TENM2: variants seen among roughly 807,000 people sequenced by gnomAD.
TENM2 encodes the protein teneurin transmembrane protein 2, also known as teneurin-2.
A neutral mutation model predicts 245.2 loss-of-function variants in TENM2; 52 were observed. That is an observed-to-expected ratio of 0.21 (90% CI 0.17 to 0.27). The LOEUF (loss-of-function observed/expected upper bound fraction) is 0.27, where lower values mean the gene tolerates loss of function less well. Among genes scored for constraint, TENM2 ranks in the 10% least tolerant of loss-of-function variants. The probability of loss-of-function intolerance (pLI) is 1.00; values close to 1 mark genes in which losing one functional copy is unlikely to be tolerated. For missense variants in TENM2, 3,046 were observed against 3,666.8 expected, an observed-to-expected ratio of 0.83 and a Z score of 4.37; for synonymous variants, 1,363 against 1,438.9, an observed-to-expected ratio of 0.95 and a Z score of 1.19.
chr5:167,131,374 C>T, the TENM2 span, among the ~76,000 whole-genome samples: 1 of 152,086 alleles, frequency 6.6e-6, no homozygotes, highest in East Asian at 1.9e-4. Context: ...ACTGTAGGAC[C>T]TGGTGAGGAA....
At chr5:167,602,398 C>G (rs1776700695) in intron 2 of TENM2, among the ~76,000 whole-genome samples, 1 of 152,156 alleles carries the variant, frequency 6.6e-6, no homozygotes, top group Non-Finnish European at 1.5e-5. Flanking sequence ...CCTCTCCACT[C>G]AGGGTTCACG....
At chr5:167,349,483 A>G in intron 1 of TENM2, among the ~76,000 whole-genome samples, 1 of 152,172 alleles carries the variant, frequency 6.6e-6, no homozygotes, top group Non-Finnish European at 1.5e-5. Context: ...CTAATTGTGG[A>G]TCCTACTAGA....
intron 4 of TENM2, among the ~76,000 whole-genome samples, chr5:167,960,705 C>A (rs191411077): frequency 6.6e-6 from 1 of 152,132 alleles, no homozygotes; most frequent in Non-Finnish European, 1.5e-5. Flanking sequence ...GGGGAGTGAA[C>A]GGTTCTGTCT....
At chr5:168,088,006 A>C (rs760227857) in intron 7 of TENM2, among the ~76,000 whole-genome samples, 41 of 152,118 alleles carry the variant, frequency 2.7e-4, no homozygotes, top group Non-Finnish European at 5.1e-4. Flanking sequence ...TCCCCTGAAA[A>C]ATGCCTCTTC....
At chr5:167,084,327 TTA>T in the TENM2 span, among the ~76,000 whole-genome samples, 448 of 23,152 alleles carry the variant, frequency 0.019, 9 homozygotes, top group South Asian at 0.025. Context: ...GCCATTTTAG[TTA>T]TATATATATA....
chr5:167,994,113 T>A (rs1400898883), intron 5 of TENM2, among the ~76,000 whole-genome samples: 1 of 151,678 alleles, frequency 6.6e-6, no homozygotes, highest in East Asian at 1.9e-4. Context: ...GAAGAGGCCA[T>A]GGTGATGTTT....
At chr5:168,252,530 G>A (rs948317344) in intron 27 of TENM2, among the ~76,000 whole-genome samples, 1 of 151,452 alleles carries the variant, frequency 6.6e-6, no homozygotes, top group Non-Finnish European at 1.5e-5. Context: ...TCTCATATTA[G>A]AACCTGAGTC....
At chr5:167,203,942 G>A in the TENM2 span, among the ~76,000 whole-genome samples, 2 of 152,104 alleles carry the variant, frequency 1.3e-5, no homozygotes, top group South Asian at 2.1e-4. Context: ...ATAGAAACAA[G>A]AGGAGAGAGA....
chr5:167,139,529 C>A, the TENM2 span, among the ~76,000 whole-genome samples: 1 of 152,176 alleles, frequency 6.6e-6, no homozygotes, highest in Non-Finnish European at 1.5e-5. Flanking sequence ...GGACATAAGA[C>A]CTTCCTTGTT....
intron 2 of TENM2, among the ~76,000 whole-genome samples, chr5:167,761,853 T>A (rs2150712773): frequency 1.3e-5 from 2 of 152,300 alleles, no homozygotes; most frequent in East Asian, 3.9e-4. Flanking sequence ...TTATCATGTA[T>A]CTGCTGAGCC....
At chr5:167,255,377 G>A in the TENM2 span, among the ~76,000 whole-genome samples, 128 of 152,114 alleles carry the variant, frequency 8.4e-4, no homozygotes, top group African/African-American at 3.0e-3. Flanking sequence ...TGCACCTATT[G>A]TGAAGGTCCT....
chr5:168,071,523 G>A (rs1460382123), intron 7 of TENM2, among the ~76,000 whole-genome samples: 1 of 152,032 alleles, frequency 6.6e-6, no homozygotes, highest in Non-Finnish European at 1.5e-5. Context: ...TTTACCCTGA[G>A]TCTTTGCTTA....
At chr5:167,550,061 A>C (rs1201360063) in intron 2 of TENM2, among the ~76,000 whole-genome samples, 2 of 152,210 alleles carry the variant, frequency 1.3e-5, no homozygotes, top group Non-Finnish European at 2.9e-5. Context: ...ACATCTGTTA[A>C]ATTAACATCT....
intron 13 of TENM2, among the ~76,000 whole-genome samples, chr5:168,166,933 C>T (rs1385396205): frequency 6.6e-6 from 1 of 152,076 alleles, no homozygotes; most frequent in Non-Finnish European, 1.5e-5. Context: ...CAGACACCCC[C>T]AGTCATGTGA....
chr5:167,205,107 G>A, the TENM2 span, among the ~76,000 whole-genome samples: 3 of 152,146 alleles, frequency 2.0e-5, no homozygotes, highest in Non-Finnish European at 2.9e-5. Flanking sequence ...TTGGCCTGTC[G>A]CCTTGGCTCA....
chr5:167,400,222 T>C (rs1259006324), intron 2 of TENM2, among the ~76,000 whole-genome samples: 2 of 151,138 alleles, frequency 1.3e-5, no homozygotes, highest in Admixed American at 6.6e-5. Context: ...ATGCCAAGAG[T>C]TGATAATGGT....
At chr5:167,808,538 G>A (rs1216535418) in intron 2 of TENM2, among the ~76,000 whole-genome samples, 1 of 152,196 alleles carries the variant, frequency 6.6e-6, no homozygotes, top group African/African-American at 2.4e-5. Context: ...AGAATTACAG[G>A]CGTAAGCCAC....
At chr5:166,993,124 C>G in the TENM2 span, among the ~76,000 whole-genome samples, 1 of 151,922 alleles carries the variant, frequency 6.6e-6, no homozygotes, top group Non-Finnish European at 1.5e-5. Flanking sequence ...AAGCAACTTG[C>G]TATTTTGAAA....
chr5:167,566,853 A>G (rs1773939693), intron 2 of TENM2, among the ~76,000 whole-genome samples: 1 of 152,142 alleles, frequency 6.6e-6, no homozygotes, highest in Non-Finnish European at 1.5e-5. Flanking sequence ...TTACTTTATG[A>G]TAAGGTGGCT....
Sources: gnomAD v4.1 joint callset for allele counts (sites outside exome capture counted in the v4.1 genomes callset) on GRCh38, gnomAD v4.1.1 for gene constraint, MANE v1.5 for transcripts, NCBI Gene and HGNC (gene_info 2026-07-23, HGNC 2026-07-21) for gene names.